AKAP19: variants seen among roughly 807,000 people sequenced by gnomAD.
The protein encoded by AKAP19 is small A-kinase anchoring protein.
chr2:189,968,093 A>T, the AKAP19 span, among the ~76,000 whole-genome samples: 2 of 152,166 alleles, frequency 1.3e-5, no homozygotes, highest in Non-Finnish European at 2.9e-5. Context: ...AGAAAAACAG[A>T]ATGATCAAAA....
At chr2:189,884,619 TA>T in the AKAP19 span, among the ~76,000 whole-genome samples, 4 of 152,204 alleles carry the variant, frequency 2.6e-5, no homozygotes, top group East Asian at 3.9e-4. Context: ...TATTCCCCCA[TA>T]AAAAAATAAA....
chr2:190,006,803 G>T, the AKAP19 span, among the ~76,000 whole-genome samples: 1 of 152,082 alleles, frequency 6.6e-6, no homozygotes, highest in African/African-American at 2.4e-5. Context: ...CAGATCACGA[G>T]GTCAGGAGAT....
the AKAP19 span, among the ~76,000 whole-genome samples, chr2:189,957,762 T>G: frequency 6.6e-5 from 10 of 152,262 alleles, no homozygotes; most frequent in Admixed American, 2.0e-4. Context: ...AATTAAGAAC[T>G]CTCATTCATC....
chr2:190,188,139 T>C, the AKAP19 span, among the ~76,000 whole-genome samples: 4 of 152,288 alleles, frequency 2.6e-5, no homozygotes, highest in Non-Finnish European at 4.4e-5. Flanking sequence ...TTAATACTTA[T>C]AGCCTGAATA....
At chr2:190,125,957 A>G in the AKAP19 span, among the ~76,000 whole-genome samples, 4 of 152,076 alleles carry the variant, frequency 2.6e-5, no homozygotes, top group Non-Finnish European at 1.5e-5. Context: ...AATGTTTTTA[A>G]TAATTCAGAT....
At chr2:189,992,557 A>G in the AKAP19 span, among the ~76,000 whole-genome samples, 3 of 152,116 alleles carry the variant, frequency 2.0e-5, no homozygotes, top group Admixed American at 2.0e-4. Context: ...GTTCTGTGAA[A>G]AATGATGATA....
At chr2:190,117,106 C>T in the AKAP19 span, among the ~76,000 whole-genome samples, 1 of 152,196 alleles carries the variant, frequency 6.6e-6, no homozygotes, top group African/African-American at 2.4e-5. Flanking sequence ...GATCTTTTCT[C>T]CTTGTTATTT....
the AKAP19 span, among the ~76,000 whole-genome samples, chr2:190,145,827 A>T: frequency 1.5e-4 from 3 of 20,598 alleles, no homozygotes; most frequent in Admixed American, 2.3e-3. Context: ...TAATATATAT[A>T]TGTATATGTA....
the AKAP19 span, among the ~76,000 whole-genome samples, chr2:189,927,010 A>G: frequency 1.3e-5 from 2 of 151,946 alleles, no homozygotes; most frequent in Non-Finnish European, 2.9e-5. Context: ...CAACCTCCCA[A>G]GTAGCTAGGG....
the AKAP19 span, among the ~76,000 whole-genome samples, chr2:190,042,058 T>C: frequency 2.1e-4 from 32 of 152,312 alleles, no homozygotes; most frequent in East Asian, 6.0e-3. Context: ...GAGTCCCTCC[T>C]CCTCAGTTTT....
the AKAP19 span, among the ~76,000 whole-genome samples, chr2:190,168,153 C>G: frequency 6.6e-6 from 1 of 152,230 alleles, no homozygotes; most frequent in Non-Finnish European, 1.5e-5. Context: ...CGTCTTTGCA[C>G]CCATGGGCTC....
chr2:190,203,339 C>T, the AKAP19 span: 3 of 167,002 alleles, frequency 1.8e-5, no homozygotes, highest in East Asian at 1.9e-4. Context: ...AGAAGCACTA[C>T]CTGCATCTTA....
chr2:189,892,177 C>T, the AKAP19 span, among the ~76,000 whole-genome samples: 1 of 151,924 alleles, frequency 6.6e-6, no homozygotes. Context: ...TGCATTAGAA[C>T]ATGCTCCTTT....
At chr2:190,201,947 G>T in the AKAP19 span, 1 of 167,110 alleles carries the variant, frequency 6.0e-6, no homozygotes. Context: ...CATTTTTGCT[G>T]CAAGGTCATC....
the AKAP19 span, among the ~76,000 whole-genome samples, chr2:189,962,297 A>G: frequency 0.52 from 78,966 of 152,072 alleles, 25,091 homozygotes; most frequent in Non-Finnish European, 0.7. Context: ...AGCTTATACC[A>G]TCTAGGTTTG....
At chr2:189,935,554 A>C in the AKAP19 span, among the ~76,000 whole-genome samples, 46 of 152,186 alleles carry the variant, frequency 3.0e-4, no homozygotes, top group Middle Eastern at 3.4e-3. Context: ...TAGGAAACCC[A>C]AAATGCTTAC....
At chr2:189,907,439 A>G in the AKAP19 span, among the ~76,000 whole-genome samples, 1 of 152,136 alleles carries the variant, frequency 6.6e-6, no homozygotes, top group East Asian at 1.9e-4. Flanking sequence ...CTGCTTGAAT[A>G]TCATCTTATC....
chr2:189,916,785 G>C, the AKAP19 span, among the ~76,000 whole-genome samples: 3 of 152,248 alleles, frequency 2.0e-5, no homozygotes, highest in East Asian at 5.8e-4. Context: ...AAATGTATCA[G>C]TAGTTCATTC....
chr2:189,946,097 C>T, the AKAP19 span, among the ~76,000 whole-genome samples: 12 of 152,288 alleles, frequency 7.9e-5, 1 homozygote, highest in East Asian at 1.7e-3. Context: ...GGAGAAATTA[C>T]TCAAACTTCC....
Sources: gnomAD v4.1 joint callset for allele counts (sites outside exome capture counted in the v4.1 genomes callset) on GRCh38, gnomAD v4.1.1 for gene constraint, MANE v1.5 for transcripts, NCBI Gene and HGNC (gene_info 2026-07-23, HGNC 2026-07-21) for gene names.